Variants in MYZAP observed in about 807,000 individuals in gnomAD.
MYZAP encodes myocardial zonula adherens protein.
MYZAP carries 66 observed loss-of-function variants against 69.4 expected under a neutral mutation model. The ratio of observed to expected loss-of-function variants is 0.95; its 90% CI spans 0.78 to 1.17. The LOEUF (loss-of-function observed/expected upper bound fraction) is 1.17, where lower values mean the gene tolerates loss of function less well. MYZAP is among the 50% of genes most tolerant of loss of function. The probability of loss-of-function intolerance (pLI) is 0.00; values close to 1 mark genes in which losing one functional copy is unlikely to be tolerated. For missense variants in MYZAP, 611 were observed against 556.2 expected, an observed-to-expected ratio of 1.10 and a Z score of -0.99; for synonymous variants, 256 against 205.9, an observed-to-expected ratio of 1.24 and a Z score of -2.09.
chr15:57,684,322 T>C (rs2039585454), intron 12 of MYZAP, 80 bp from the exon 13 acceptor site: 2 of 863,286 alleles, frequency 2.3e-6, no homozygotes, highest in Non-Finnish European at 3.8e-6. Context: ...CACCATTTTC[T>C]AGAGTTGTCT....
intron 2 of MYZAP, among the ~76,000 whole-genome samples, chr15:57,612,971 G>A (rs531391952): frequency 1.2e-4 from 18 of 150,948 alleles, no homozygotes; most frequent in Non-Finnish European, 1.8e-4. Context: ...TCGCTCTGTC[G>A]CCCAGGCTGG....
chr15:57,671,879 G>A (rs902934925), intron 11 of MYZAP, among the ~76,000 whole-genome samples: 2 of 152,214 alleles, frequency 1.3e-5, no homozygotes, highest in African/African-American at 4.8e-5. Flanking sequence ...GGTGTCTGTT[G>A]ATTCTCTTTT....
intron 11 of MYZAP, among the ~76,000 whole-genome samples, chr15:57,672,184 C>A (rs1170482524): frequency 6.6e-6 from 1 of 152,260 alleles, no homozygotes; most frequent in South Asian, 2.1e-4. Context: ...CTCTGACTCT[C>A]CTCTTTTGCC....
At chr15:57,664,174 T>C (rs1357417419) in intron 11 of MYZAP, among the ~76,000 whole-genome samples, 1 of 152,066 alleles carries the variant, frequency 6.6e-6, no homozygotes, top group Non-Finnish European at 1.5e-5. Context: ...GCAGTCATCT[T>C]TGAGATCCAA....
chr15:57,646,701 G>A lies in MYZAP; in HGVS notation c.1119+7156G>A, dbSNP rs1468748132. 9 of 987,536 alleles carry A rather than the reference G, an allele frequency of 9.1e-6. No homozygotes were observed. In the African/African-American group the frequency reaches 1.4e-4, roughly 15 times the overall value. The allele number at this position is 987,536 out of a possible 1,614,324, so 61.2% of individuals were successfully genotyped here. ...ATGTGGTTTGGTTCTATTTGTATATGGGAGGTGGCCCTGAAGGTGTCCTTC... is the reference window on the plus strand; with the variant it reads ...ATGTGGTTTGGTTCTATTTGTATATAGGAGGTGGCCCTGAAGGTGTCCTTC... On this transcript the variant is annotated intron_variant, in intron 10 of 12. Transcript: ENST00000267853.
chr15:57,593,214 A>ACACACACACACCCCC (rs1172761785), intron 1 of MYZAP, among the ~76,000 whole-genome samples: 15 of 141,346 alleles, frequency 1.1e-4, no homozygotes, highest in African/African-American at 3.6e-4. Context: ...ACACACACAC[A>ACACACACACACCCCC]CCCCAGAATC....
chr15:57,662,313 CG>C (rs1314133523), intron 11 of MYZAP, among the ~76,000 whole-genome samples: 1 of 152,178 alleles, frequency 6.6e-6, no homozygotes, highest in Non-Finnish European at 1.5e-5. Context: ...CTGTGTTCCT[CG>C]TTATAGTCCT....
At chr15:57,672,283 C>G (rs2081515) in intron 11 of MYZAP, among the ~76,000 whole-genome samples, 136,354 of 152,192 alleles carry the variant, frequency 0.9, 62,310 homozygotes, top group Non-Finnish European at 0.98. Flanking sequence ...TACTTTATCT[C>G]TACTGCCACC....
In MYZAP at chr15:57,670,561, T is replaced by A. The variant is rs533156159; in HGVS notation, c.1204-4407T>A. 3.3e-5 allele frequency among the ~76,000 whole-genome samples: 5 copies of A among 152,188 alleles called. No homozygotes were observed. The East Asian group carries it at 9.6e-4, about 29-fold the overall frequency. On this transcript the variant is annotated intron_variant, in intron 11 of 12. Coordinates refer to ENST00000267853, the MANE Select transcript of MYZAP (RefSeq NM_001018100.5). Reference sequence around the variant, plus strand: ...TATAGTCTCTGCCATTTAATTGGAGTATGTAGTTTACTAATATTTAATTAT... The same window carrying A: ...TATAGTCTCTGCCATTTAATTGGAGAATGTAGTTTACTAATATTTAATTAT...
At chr15:57,647,709 A>T (rs1227949853) in intron 10 of MYZAP, 1 of 985,216 alleles carries the variant, frequency 1.0e-6, no homozygotes, top group South Asian at 4.7e-5. Context: ...AGTGCCTCCT[A>T]AGTGGATGCC....
At chr15:57,676,005 AGCT>A (rs1398222477) in intron 12 of MYZAP, among the ~76,000 whole-genome samples, 1 of 152,084 alleles carries the variant, frequency 6.6e-6, no homozygotes, top group Non-Finnish European at 1.5e-5. Flanking sequence ...GAGTGGTTAC[AGCT>A]GGTGGGAAGT....
At chr15:57,646,861 C>G (rs2037472571) in intron 10 of MYZAP, 1 of 985,320 alleles carries the variant, frequency 1.0e-6, no homozygotes, top group Non-Finnish European at 1.2e-6. Flanking sequence ...AGAAATCTAT[C>G]TGGCTGAAAT....
chr15:57,683,465 A>C (rs72745558), intron 12 of MYZAP, among the ~76,000 whole-genome samples: 2,169 of 152,294 alleles, frequency 0.014, 22 homozygotes, highest in Non-Finnish European at 0.023. Flanking sequence ...TTATGTACAT[A>C]TCTTTCCCAC....
intron 2 of MYZAP, among the ~76,000 whole-genome samples, chr15:57,615,681 A>T (rs1295854030): frequency 2.0e-5 from 3 of 152,140 alleles, no homozygotes; most frequent in African/African-American, 7.2e-5. Context: ...CTTCCTGGTT[A>T]TATGTCCAGT....
intron 3 of MYZAP, among the ~76,000 whole-genome samples, chr15:57,620,054 AC>A (rs2035715311): frequency 6.6e-6 from 1 of 152,072 alleles, no homozygotes; most frequent in African/African-American, 2.4e-5. Context: ...TCAAGATTCC[AC>A]CCACTCACCA....
At chr15:57,596,223 G>A (rs1474319781) in intron 1 of MYZAP, among the ~76,000 whole-genome samples, 1 of 152,186 alleles carries the variant, frequency 6.6e-6, no homozygotes, top group African/African-American at 2.4e-5. Context: ...GGAGTGCTGC[G>A]TATGAGGTCC....
intron 8 of MYZAP, among the ~76,000 whole-genome samples, chr15:57,635,482 A>G (rs923515704): frequency 1.1e-4 from 16 of 152,184 alleles, no homozygotes; most frequent in Non-Finnish European, 1.9e-4. Context: ...CTCATGTGGG[A>G]TGAATGGGTA....
intron 10 of MYZAP, chr15:57,647,158 C>G (rs1484121445): frequency 1.0e-6 from 1 of 985,262 alleles, no homozygotes; most frequent in East Asian, 1.1e-4. Context: ...CTAATATTTG[C>G]CTTTGCTTTC....
Position 57,684,614 on chromosome 15 carries a change from G to T in MYZAP, c.*116G>T, listed in dbSNP as rs79243265. The T allele has an allele frequency of 5.9e-6, 4 of 682,298 alleles. No homozygotes were observed. The highest frequency in any genetic ancestry group is 2.5e-5 in the Admixed American group (1 of 40,422). 42.3% of individuals were successfully genotyped at this position (682,298 alleles called of 1,614,324 possible). ...CTACACACAGTGTAAGCCGGAATGGGAATCGCTGAGGCTCTGATCCACTTC... is the reference window on the plus strand; with the variant it reads ...CTACACACAGTGTAAGCCGGAATGGTAATCGCTGAGGCTCTGATCCACTTC... On this transcript the variant is annotated 3_prime_UTR_variant, in exon 13 of 13. Transcript: ENST00000267853.
Sources: allele counts gnomAD v4.1 joint callset (sites outside exome capture counted in the v4.1 genomes callset), GRCh38; gene constraint gnomAD v4.1.1; transcripts MANE v1.5; gene names NCBI Gene and HGNC (gene_info 2026-07-23, HGNC 2026-07-21).